ATXN1: variants seen among roughly 807,000 people sequenced by gnomAD.
ATXN1 encodes ataxin-1.
A neutral mutation model predicts 56.4 loss-of-function variants in ATXN1; 8 were observed. That is an observed-to-expected ratio of 0.14 (90% CI 0.08 to 0.26). The LOEUF is 0.26. Ranked by LOEUF, ATXN1 falls within the 10% of genes least tolerant of loss-of-function variation. The pLI is 1.00. For synonymous variants in ATXN1, 514 were observed against 494.6 expected, an observed-to-expected ratio of 1.04 and a Z score of -0.52; for missense variants, 987 against 1,106.5, an observed-to-expected ratio of 0.89 and a Z score of 1.53.
At chr6:16,581,103 G>GT (rs1473339145) in intron 4 of ATXN1, among the ~76,000 whole-genome samples, 1 of 151,758 alleles carries the variant, frequency 6.6e-6, no homozygotes, top group Non-Finnish European at 1.5e-5. Context: ...TTGTGTTTCT[G>GT]TAGGATAAAG....
Position 16,320,995 on chromosome 6 carries a change from C to G in ATXN1, c.1917+5399G>C, listed in dbSNP as rs1760637403. On this transcript the variant is annotated intron_variant, in intron 7 of 7. Transcript: ENST00000436367. ...ATAAACTCTTTTTAGAACACGAGGC[C>G]TTTGATTTATTTTTCAGCTGTGAAT... 2.0e-5 allele frequency among the ~76,000 whole-genome samples: 3 copies of G among 152,154 alleles called. No homozygotes were observed. The South Asian group carries it at 6.2e-4, about 32-fold the overall frequency.
At chr6:16,688,703 G>A (rs187639161) in intron 2 of ATXN1, among the ~76,000 whole-genome samples, 136 of 152,202 alleles carry the variant, frequency 8.9e-4, no homozygotes, top group Middle Eastern at 3.4e-3. Flanking sequence ...AAATATTCTG[G>A]GTGACATCCA....
chr6:16,316,603 C>T (rs755261225), intron 7 of ATXN1, among the ~76,000 whole-genome samples: 1 of 151,938 alleles, frequency 6.6e-6, no homozygotes, highest in Non-Finnish European at 1.5e-5. Flanking sequence ...AAAAATTAGC[C>T]AGGCGTGGGA....
chr6:16,707,536 G>T (rs1334855034), intron 2 of ATXN1, among the ~76,000 whole-genome samples: 3 of 152,142 alleles, frequency 2.0e-5, no homozygotes, highest in Non-Finnish European at 2.9e-5. Context: ...CTTCTACTCT[G>T]CCCAGAGAAT....
chr6:16,529,362 G>C (rs770428158), intron 4 of ATXN1, among the ~76,000 whole-genome samples: 43 of 150,564 alleles, frequency 2.9e-4, no homozygotes, highest in Middle Eastern at 3.2e-3. Context: ...CAGTGGCAAC[G>C]ACACAAAATG....
chr6:16,359,327 C>G (rs1451188407), intron 6 of ATXN1, among the ~76,000 whole-genome samples: 2 of 152,130 alleles, frequency 1.3e-5, no homozygotes, highest in East Asian at 3.9e-4. Context: ...ACCCATGGAC[C>G]AATTGGCACA....
At chr6:16,403,713 C>T (rs1345982209) in intron 6 of ATXN1, among the ~76,000 whole-genome samples, 2 of 152,166 alleles carry the variant, frequency 1.3e-5, no homozygotes, top group Non-Finnish European at 2.9e-5. Context: ...TCCTGAGTCC[C>T]ATCCTCTGAC....
intron 4 of ATXN1, among the ~76,000 whole-genome samples, chr6:16,528,018 C>T (rs531891186): frequency 6.6e-6 from 1 of 152,164 alleles, no homozygotes; most frequent in South Asian, 2.1e-4. Context: ...AAGACTAAAT[C>T]TGCTGGGTGC....
chr6:16,601,695 CA>C (rs1386889979), intron 3 of ATXN1, among the ~76,000 whole-genome samples: 1 of 151,964 alleles, frequency 6.6e-6, no homozygotes, highest in African/African-American at 2.4e-5. Flanking sequence ...CTAAAAAATA[CA>C]AAAAATATTA....
intron 3 of ATXN1, among the ~76,000 whole-genome samples, chr6:16,606,017 TACTC>T (rs1762998254): frequency 6.6e-6 from 1 of 152,152 alleles, no homozygotes; most frequent in Middle Eastern, 3.4e-3. Context: ...ATAGTCCAGA[TACTC>T]AGGAGGATGA....
intron 6 of ATXN1, among the ~76,000 whole-genome samples, chr6:16,409,094 T>C (rs1758745598): frequency 6.6e-6 from 1 of 152,246 alleles, no homozygotes; most frequent in Non-Finnish European, 1.5e-5. Flanking sequence ...TTTAACCTAA[T>C]AGAAACAGTC....
At chr6:16,684,081 G>A (rs1758868796) in intron 2 of ATXN1, among the ~76,000 whole-genome samples, 2 of 152,256 alleles carry the variant, frequency 1.3e-5, no homozygotes, top group Middle Eastern at 6.8e-3. Flanking sequence ...GAAGGCACAG[G>A]GATATCTAGA....
At chr6:16,695,459 C>T (rs1759144885) in intron 2 of ATXN1, among the ~76,000 whole-genome samples, 3 of 152,264 alleles carry the variant, frequency 2.0e-5, no homozygotes, top group Admixed American at 1.3e-4. Flanking sequence ...CCTGGAATAA[C>T]AGAAGCTGAA....
intron 3 of ATXN1, among the ~76,000 whole-genome samples, chr6:16,612,611 G>A (rs888677290): frequency 1.3e-5 from 2 of 152,072 alleles, no homozygotes; most frequent in African/African-American, 4.8e-5. Context: ...AGAAAAGGGG[G>A]TGGGACACGG....
In ATXN1 at chr6:16,543,149, G is replaced by A. The variant is rs554751014; in HGVS notation, c.-360-20461C>T. Among the ~76,000 whole-genome samples, 10 of 152,252 alleles carry A rather than the reference G, an allele frequency of 6.6e-5. No homozygotes were observed. In the East Asian group the frequency reaches 1.5e-3, roughly 24 times the overall value. On this transcript the variant is annotated intron_variant, in intron 4 of 7. Coordinates refer to ENST00000436367, the MANE Select transcript of ATXN1 (RefSeq NM_001128164.2). The stretch of plus-strand genomic sequence containing the variant: ...TGGGACATTTGAGTTTACAAAATGC[G>A]AGACAAGCAAAGCCCAGGGAGCTGA...
intron 6 of ATXN1, among the ~76,000 whole-genome samples, chr6:16,390,600 T>C (rs1463791057): frequency 6.6e-6 from 1 of 151,918 alleles, no homozygotes; most frequent in Non-Finnish European, 1.5e-5. Context: ...GCGTCATATC[T>C]CCCTGATGAT....
intron 5 of ATXN1, among the ~76,000 whole-genome samples, chr6:16,490,769 A>G (rs1760643144): frequency 6.6e-6 from 1 of 152,184 alleles, no homozygotes; most frequent in African/African-American, 2.4e-5. Flanking sequence ...AGATGGACAT[A>G]TGACCCAGGT....
chr6:16,523,860 C>T (rs535651033), intron 4 of ATXN1, among the ~76,000 whole-genome samples: 7 of 151,792 alleles, frequency 4.6e-5, no homozygotes, highest in South Asian at 4.2e-4. Context: ...AAGGGAGCGA[C>T]GGCAACAGAC....
chr6:16,719,335 G>A (rs1424538305), intron 2 of ATXN1, among the ~76,000 whole-genome samples: 1 of 152,188 alleles, frequency 6.6e-6, no homozygotes, highest in Non-Finnish European at 1.5e-5. Context: ...TGTGCAAATT[G>A]ATAGATCACC....
Sources: allele counts gnomAD v4.1 joint callset (sites outside exome capture counted in the v4.1 genomes callset), GRCh38; gene constraint gnomAD v4.1.1; transcripts MANE v1.5; gene names NCBI Gene and HGNC (gene_info 2026-07-23, HGNC 2026-07-21).